Variants in KDM4C observed in about 807,000 individuals in gnomAD.
The protein encoded by KDM4C is lysine-specific demethylase 4C.
KDM4C carries 81 observed loss-of-function variants against 129.3 expected under a neutral mutation model. That is an observed-to-expected ratio of 0.63 (90% CI 0.52 to 0.75). The LOEUF is 0.75. Among genes scored for constraint, KDM4C ranks in the 30% least tolerant of loss-of-function variants. The probability of loss-of-function intolerance (pLI) is 0.00; values close to 1 mark genes in which losing one functional copy is unlikely to be tolerated. For missense variants in KDM4C, 1,457 were observed against 1,304.0 expected (o/e 1.12, Z -1.81); for synonymous variants, 573 against 456.1 (o/e 1.26, Z -3.26).
Position 6,796,172 on chromosome 9 carries a change from G to T in KDM4C, c.144+3040G>T, listed in dbSNP as rs188687015. Among the ~76,000 whole-genome samples, 326 of 152,270 alleles carry T rather than the reference G, an allele frequency of 2.1e-3. 3 individuals are homozygous for T. The highest frequency in any genetic ancestry group is 6.4e-3 in the African/African-American group (267 of 41,560). On this transcript the variant is annotated intron_variant, in intron 2 of 21. Coordinates refer to ENST00000381309, the MANE Select transcript of KDM4C (RefSeq NM_015061.6). Reference sequence around the variant, plus strand: ...AAAAAAAATCTCATTTGGGCTGGGTGTGGGGCTCACGCCTGCAATCCCAGC... The same window carrying T: ...AAAAAAAATCTCATTTGGGCTGGGTTTGGGGCTCACGCCTGCAATCCCAGC...
At chr9:6,878,728 GTA>G (rs1046683576) in intron 5 of KDM4C, among the ~76,000 whole-genome samples, 3 of 152,016 alleles carry the variant, frequency 2.0e-5, no homozygotes, top group Non-Finnish European at 4.4e-5. Flanking sequence ...CATATTACAT[GTA>G]TGTGTGTGTG....
At chr9:7,002,291 T>C (rs1820870780) in intron 12 of KDM4C, among the ~76,000 whole-genome samples, 1 of 152,136 alleles carries the variant, frequency 6.6e-6, no homozygotes, top group Admixed American at 6.5e-5. Context: ...GTGAATTTCA[T>C]ATGCTTAGTA....
At chr9:6,767,977 A>C (rs1209707549) in intron 1 of KDM4C, among the ~76,000 whole-genome samples, 2 of 151,892 alleles carry the variant, frequency 1.3e-5, no homozygotes, top group Non-Finnish European at 2.9e-5. Context: ...TAGTATTTTC[A>C]AATAGGCAAT....
intron 8 of KDM4C, among the ~76,000 whole-genome samples, chr9:6,972,833 C>A (rs1157761784): frequency 6.6e-6 from 1 of 152,142 alleles, no homozygotes; most frequent in African/African-American, 2.4e-5. Flanking sequence ...CCATATTCTT[C>A]CTGATTGATT....
At chr9:6,782,361 A>G in intron 1 of KDM4C, among the ~76,000 whole-genome samples, 1 of 152,158 alleles carries the variant, frequency 6.6e-6, no homozygotes, top group Non-Finnish European at 1.5e-5. Flanking sequence ...TTATGAGTAG[A>G]ATCTCAGATT....
intron 15 of KDM4C, among the ~76,000 whole-genome samples, chr9:7,034,928 AC>A (rs1189757038): frequency 2.0e-5 from 3 of 152,080 alleles, no homozygotes; most frequent in Non-Finnish European, 2.9e-5. Flanking sequence ...GGTGATGTTT[AC>A]CCTTTCTTTT....
intron 17 of KDM4C, among the ~76,000 whole-genome samples, chr9:7,065,094 A>G (rs1372725778): frequency 6.6e-6 from 1 of 152,202 alleles, no homozygotes; most frequent in Non-Finnish European, 1.5e-5. Flanking sequence ...TGTTGCCAAG[A>G]TGTGTGGCCA....
chr9:6,899,953 T>G (rs1817110321), intron 8 of KDM4C, among the ~76,000 whole-genome samples: 1 of 152,228 alleles, frequency 6.6e-6, no homozygotes, highest in African/African-American at 2.4e-5. Context: ...TAAAAGAAAG[T>G]AAATTTGCCT....
At chr9:6,855,126 T>G (rs1839564811) in intron 5 of KDM4C, among the ~76,000 whole-genome samples, 1 of 152,220 alleles carries the variant, frequency 6.6e-6, no homozygotes, top group South Asian at 2.1e-4. Flanking sequence ...TGAAGTGTTT[T>G]AAACATGAAC....
chr9:6,765,398 C>T (rs1018419232), intron 1 of KDM4C, among the ~76,000 whole-genome samples: 5 of 152,138 alleles, frequency 3.3e-5, no homozygotes, highest in Non-Finnish European at 4.4e-5. Context: ...ACTCATTTCT[C>T]TTCTCTGATT....
chr9:6,966,415 C>T (rs1030597603), intron 8 of KDM4C, among the ~76,000 whole-genome samples: 6 of 152,204 alleles, frequency 3.9e-5, no homozygotes, highest in Admixed American at 3.3e-4. Context: ...CGTGATCCGC[C>T]CGCCTCTGCC....
chr9:7,017,818 G>A (rs981273143), intron 15 of KDM4C, among the ~76,000 whole-genome samples: 7 of 152,066 alleles, frequency 4.6e-5, no homozygotes, highest in African/African-American at 1.7e-4. Context: ...TAAAGAATAC[G>A]CCTTATATGA....
intron 19 of KDM4C, among the ~76,000 whole-genome samples, chr9:7,161,937 A>G (rs543407933): frequency 1.4e-4 from 22 of 152,300 alleles, no homozygotes; most frequent in African/African-American, 4.6e-4. Context: ...AATTGACACT[A>G]TTTCTTTATG....
intron 18 of KDM4C, among the ~76,000 whole-genome samples, chr9:7,120,362 A>G (rs1052165378): frequency 2.0e-5 from 3 of 152,208 alleles, no homozygotes; most frequent in Admixed American, 6.5e-5. Flanking sequence ...TAGGAAAGCT[A>G]GAGAGTTTTC....
At chr9:7,070,381 A>G (rs1276524332) in intron 17 of KDM4C, among the ~76,000 whole-genome samples, 5 of 152,142 alleles carry the variant, frequency 3.3e-5, no homozygotes, top group Non-Finnish European at 7.4e-5. Flanking sequence ...ACACCTCCCA[A>G]TTCATTGCAT....
In KDM4C at chr9:7,011,808, G is replaced by C; in HGVS notation, c.1897G>C (p.Glu633Gln). ...GTCCCCTAACTTCGCAGCTGAGCAA[G>C]AGTATAATGCAACAGTGGCCAGGAT... ...TKSPNFAAEQ[E>Q]YNATVARMKP... Residue 633 changes from glutamate to glutamine, a missense_variant, in exon 13 of 22, where the codon GAG becomes CAG. Transcript: ENST00000381309. The C allele has an allele frequency of 6.2e-7, 1 of 1,614,142 alleles. No individual in the cohort carries two copies.
chr9:7,132,137 A>G (rs1840710541), intron 19 of KDM4C, among the ~76,000 whole-genome samples: 1 of 152,232 alleles, frequency 6.6e-6, no homozygotes, highest in Non-Finnish European at 1.5e-5. Flanking sequence ...TGAAAATCAA[A>G]TTTAGGATAT....
chr9:7,140,217 T>C (rs1244204906), intron 19 of KDM4C, among the ~76,000 whole-genome samples: 1 of 152,166 alleles, frequency 6.6e-6, no homozygotes, highest in Non-Finnish European at 1.5e-5. Context: ...ATGGTCGCCC[T>C]ACACTCCTGG....
intron 8 of KDM4C, among the ~76,000 whole-genome samples, chr9:6,965,454 G>C (rs905164408): frequency 2.0e-5 from 3 of 152,102 alleles, no homozygotes; most frequent in African/African-American, 7.2e-5. Flanking sequence ...GGGTTCTCCA[G>C]ACTAACAATA....
Sources: gnomAD v4.1 joint callset for allele counts (sites outside exome capture counted in the v4.1 genomes callset) on GRCh38, gnomAD v4.1.1 for gene constraint, MANE v1.5 for transcripts, NCBI Gene and HGNC (gene_info 2026-07-23, HGNC 2026-07-21) for gene names.